The following DIDO1 variants were observed in gnomAD, a reference collection of about 807,000 sequenced individuals.
DIDO1 encodes the protein death-inducer obliterator 1.
Under a neutral mutation model 99.4 loss-of-function variants are expected in DIDO1, and 16 were observed. The observed-to-expected ratio is 0.16, with a 90% confidence interval of 0.11 to 0.24. The LOEUF (loss-of-function observed/expected upper bound fraction) is 0.24. Among genes scored for constraint, DIDO1 ranks in the 10% least tolerant of loss-of-function variants. The probability of loss-of-function intolerance (pLI) is 1.00; values close to 1 mark genes in which losing one functional copy is unlikely to be tolerated. For synonymous variants in DIDO1, 1,366 were observed against 1,239.1 expected (o/e 1.10, Z -2.15); for missense variants, 2,996 against 3,014.0 (o/e 0.99, Z 0.14).
chr20:62,896,446 T>C lies in DIDO1; in HGVS notation c.2055-54A>G. The C allele has an allele frequency of 1.3e-6, 2 of 1,590,998 alleles. No individual in the cohort carries two copies. The highest frequency in any genetic ancestry group is 1.7e-6 in the Non-Finnish European group (2 of 1,173,008). On this transcript the variant is annotated intron_variant, in intron 7 of 15. Coordinates refer to ENST00000395343, the MANE Select transcript of DIDO1 (RefSeq NM_001193369.2). This position sits in a 1 kb window ranked among gnomAD's most constrained non-coding sequence, Gnocchi z 4.4. The stretch of plus-strand genomic sequence containing the variant: ...TAAGACACTTGTGTATATTAAACTT[T>C]TTGAACAGTGAGGCAATCCTGCAGC...
At chr20:62,899,033 G>GGGGGT (rs2064600547) in intron 6 of DIDO1, among the ~76,000 whole-genome samples, 1 of 152,146 alleles carries the variant, frequency 6.6e-6, no homozygotes, top group South Asian at 2.1e-4. Flanking sequence ...GAAGCAGCGA[G>GGGGGT]GGGGTGGGGT....
Position 62,885,324 on chromosome 20 carries a change from C to A in DIDO1, c.3542-2910G>T, listed in dbSNP as rs572257240. 4.6e-5 allele frequency among the ~76,000 whole-genome samples: 7 copies of A among 152,272 alleles called. No homozygotes were observed. The East Asian group carries it at 1.3e-3, about 29-fold the overall frequency. ...GGGAAGCCTAGTGCTGACTCTGACA[C>A]AGAGGGGACATGCCACCCAAGGGAG... is the stretch of plus-strand genomic sequence containing the variant. On this transcript the variant is annotated intron_variant, in intron 15 of 15. Transcript: ENST00000395343.
chr20:62,897,765 C>T (rs2064569706), intron 6 of DIDO1, among the ~76,000 whole-genome samples: 1 of 152,204 alleles, frequency 6.6e-6, no homozygotes, highest in African/African-American at 2.4e-5. Context: ...CCTTATAACC[C>T]CATGTGAGAT....
At chr20:62,910,231 C>T (rs979435521) in intron 3 of DIDO1, among the ~76,000 whole-genome samples, 1 of 152,198 alleles carries the variant, frequency 6.6e-6, no homozygotes, top group Non-Finnish European at 1.5e-5. Flanking sequence ...TAGGAGCAAA[C>T]TCTAAGGCAT....
rs778003849 is a variant in DIDO1 at position 62,896,591 on chromosome 20, T to C, written c.1994A>G (p.Gln665Arg). 2 of 1,598,408 alleles carry C rather than the reference T, an allele frequency of 1.3e-6. No individual in the cohort carries two copies. Among genetic ancestry groups the C allele is most frequent in the Non-Finnish European group, 1.7e-6 (2 of 1,173,704 alleles). Residue 665 changes from glutamine (Q) to arginine (R), a missense_variant, in exon 7 of 16, where the codon CAG becomes CGG. Gln to Arg is a conservative substitution (Grantham distance 43). Around this residue, in one of 5 missense-constraint regions of DIDO1, gnomAD observed 898 missense variants for 972.7 expected, o/e 0.92. Transcript: ENST00000395343. The surrounding 1 kb of genome is among the most constrained non-coding windows in gnomAD (Gnocchi z 4.4). ...ATTTTGCCGAATTTGTGAATTTGGC[T>C]GCGATGGTGCAGCACTCATAGCCCC... is the stretch of plus-strand genomic sequence containing the variant. ...RLGAMSAAPS[Q>R]PNSQIRQNIR...
At chr20:62,893,576 C>G in intron 12 of DIDO1, 90 bp downstream of exon 12, 4 of 1,418,526 alleles carry the variant, frequency 2.8e-6, no homozygotes, top group Non-Finnish European at 3.8e-6. Flanking sequence ...GTTACATTTC[C>G]AAGTTCAACT....
At chr20:62,915,882 A>G (rs6011471) in intron 1 of DIDO1, among the ~76,000 whole-genome samples, 34,386 of 152,164 alleles carry the variant, frequency 0.23, 4,152 homozygotes, top group East Asian at 0.33. Flanking sequence ...TAATCTGCGA[A>G]TAAACACGCT....
chr20:62,908,383 T>A (rs1178801398), intron 4 of DIDO1, among the ~76,000 whole-genome samples: 1 of 152,194 alleles, frequency 6.6e-6, no homozygotes, highest in Non-Finnish European at 1.5e-5. Flanking sequence ...ACTGCAGTCC[T>A]GTGAGACCTG....
intron 1 of DIDO1, among the ~76,000 whole-genome samples, chr20:62,925,481 A>G (rs2065234722): frequency 6.6e-6 from 1 of 152,224 alleles, no homozygotes; most frequent in African/African-American, 2.4e-5. Flanking sequence ...GTCCCTGAGT[A>G]CACTAGGCTC....
intron 1 of DIDO1, among the ~76,000 whole-genome samples, chr20:62,924,313 A>G (rs1313488552): frequency 2.0e-5 from 3 of 152,220 alleles, no homozygotes; most frequent in African/African-American, 7.2e-5. Flanking sequence ...GGCACAGTGC[A>G]GGGACCCACA....
chr20:62,906,500 C>T (rs1460145198), intron 5 of DIDO1, among the ~76,000 whole-genome samples: 5 of 152,182 alleles, frequency 3.3e-5, no homozygotes, highest in South Asian at 2.1e-4. Context: ...CTGTGCCCAA[C>T]GCCGAGGGTT....
intron 2 of DIDO1, among the ~76,000 whole-genome samples, chr20:62,913,499 A>G (rs1809768389): frequency 6.6e-6 from 1 of 152,242 alleles, no homozygotes; most frequent in African/African-American, 2.4e-5. Context: ...ACAAATATAT[A>G]TGGTAGAGCA....
intron 6 of DIDO1, among the ~76,000 whole-genome samples, chr20:62,902,121 C>T (rs1404840514): frequency 6.6e-6 from 1 of 152,186 alleles, no homozygotes; most frequent in Non-Finnish European, 1.5e-5. Flanking sequence ...CACAAAGGGG[C>T]ACCTGAGGGA....
chr20:62,906,823 G>A (rs1168435551), intron 5 of DIDO1, among the ~76,000 whole-genome samples: 1 of 152,114 alleles, frequency 6.6e-6, no homozygotes, highest in East Asian at 1.9e-4. Context: ...ACTCCTACCT[G>A]CCTGCAAGTC....
upstream of DIDO1, among the ~76,000 whole-genome samples, chr20:62,929,692 A>AAAAAAAAAAATATATATATATAT: frequency 1.3e-4 from 8 of 63,732 alleles, no homozygotes; most frequent in African/African-American, 6.1e-4. Context: ...AAAAAGAAAA[A>AAAAAAAAAAATATATATATATAT]GTGTATATAT....
chr20:62,913,188 A>G (rs1274039158), intron 2 of DIDO1, among the ~76,000 whole-genome samples: 1 of 152,152 alleles, frequency 6.6e-6, no homozygotes, highest in Non-Finnish European at 1.5e-5. Flanking sequence ...AACATGACCC[A>G]CACCCCCCAG....
At chr20:62,906,154 A>G (rs2064799807) in intron 5 of DIDO1, 54 bp from the exon 6 acceptor site, 3 of 1,556,674 alleles carry the variant, frequency 1.9e-6, no homozygotes, top group Non-Finnish European at 1.7e-6. Flanking sequence ...TCATACCTTC[A>G]CTTCATTTCA....
At chr20:62,903,585 G>A (rs2064733147) in intron 6 of DIDO1, among the ~76,000 whole-genome samples, 1 of 152,228 alleles carries the variant, frequency 6.6e-6, no homozygotes, top group Non-Finnish European at 1.5e-5. Context: ...GAGGTGTTTA[G>A]GGGAGAGGCA....
upstream of DIDO1, chr20:62,929,410 C>T (rs1043396563): frequency 3.3e-5 from 5 of 152,306 alleles, no homozygotes; most frequent in Admixed American, 6.5e-5. Context: ...CCGGGGGACA[C>T]CCACAGGATT....
Sources: allele counts gnomAD v4.1 joint callset (sites outside exome capture counted in the v4.1 genomes callset), GRCh38; gene constraint gnomAD v4.1.1; regional missense constraint gnomAD v4.1.1; non-coding constraint Gnocchi (gnomAD v3.1); transcripts MANE v1.5; gene names NCBI Gene and HGNC (gene_info 2026-07-23, HGNC 2026-07-21).